ABI3BP: variants seen among roughly 807,000 people sequenced by gnomAD.
ABI3BP encodes the protein target of Nesh-SH3.
ABI3BP carries 216 observed loss-of-function variants against 268.6 expected under a neutral mutation model. The observed-to-expected ratio is 0.80, with a 90% CI of 0.72 to 0.90. ABI3BP has a LOEUF of 0.90. Ranked by LOEUF, ABI3BP falls within the 40% of genes least tolerant of loss-of-function variation. The pLI is 0.00. For missense variants in ABI3BP, 2,090 were observed against 2,182.4 expected (o/e 0.96, Z 0.84); for synonymous variants, 730 against 730.0 (o/e 1.00, Z 0.00).
chr3:100,976,891 G>T (rs1041047310), intron 1 of ABI3BP, among the ~76,000 whole-genome samples: 2 of 152,224 alleles, frequency 1.3e-5, no homozygotes, highest in African/African-American at 4.8e-5. Flanking sequence ...TTGGCCTAAG[G>T]CCAGTCCTGA....
At chr3:100,933,971 G>C (rs2064812035) in intron 1 of ABI3BP, among the ~76,000 whole-genome samples, 1 of 151,742 alleles carries the variant, frequency 6.6e-6, no homozygotes, top group African/African-American at 2.4e-5. Flanking sequence ...GATTTTCTTT[G>C]TTTTAATCCA....
At position 100,846,456 on chromosome 3, in the gene ABI3BP, TAA is replaced by T. The variant is rs766324941; in HGVS notation, c.1649-12_1649-11del. The T allele has an allele frequency of 7.0e-6, 11 of 1,561,390 alleles. No individual in the cohort carries two copies. Among genetic ancestry groups the T allele is most frequent in the Non-Finnish European group, 9.6e-6 (11 of 1,149,654 alleles). ...TGTGTTTTACCGGGAGCTGGAAAAA[TAA>T]AGAAACAAAATAATAAACAAATCAA... On this transcript the variant is annotated splice_polypyrimidine_tract_variant and intron_variant, in intron 19 of 67. Transcript: ENST00000471714.
chr3:100,899,657 C>T (rs964353497), intron 3 of ABI3BP, among the ~76,000 whole-genome samples: 5 of 152,074 alleles, frequency 3.3e-5, no homozygotes, highest in South Asian at 2.1e-4. Context: ...AGTAGGGCAG[C>T]GAAAAACAGG....
chr3:100,926,312 T>G lies in ABI3BP; in HGVS notation c.249A>C (p.Glu83Asp). The G allele has an allele frequency of 6.2e-7, 1 of 1,613,298 alleles. No individual in the cohort carries two copies. The highest frequency in any genetic ancestry group is 2.2e-5 in the East Asian group (1 of 44,860). Residue 83 changes from glutamate to aspartate, a missense_variant, in exon 2 of 68, where the codon GAA (glutamate) becomes GAC (aspartate). Coordinates refer to ENST00000471714, the MANE Select transcript of ABI3BP (RefSeq NM_001375547.2). ...FPLPAEGKFTEAIVDAEPKYL... is the reference protein window; with the variant it reads ...FPLPAEGKFTDAIVDAEPKYL... ...ACCCAAACACCTTACCAACTATAGC[T>G]TCTGTGAATTTCCCTTCAGCGGGAA...
At chr3:100,848,775 T>C in intron 18 of ABI3BP, 26 bp downstream of exon 18, 1 of 1,589,722 alleles carries the variant, frequency 6.3e-7, no homozygotes, top group Non-Finnish European at 8.6e-7. Context: ...GAATTACATA[T>C]CATGTAAATA....
chr3:100,887,910 CAA>C (rs1457840594), intron 4 of ABI3BP, among the ~76,000 whole-genome samples: 2 of 151,862 alleles, frequency 1.3e-5, no homozygotes, highest in Non-Finnish European at 2.9e-5. Context: ...AGACTCTGTT[CAA>C]AAGTTATTAG....
intron 4 of ABI3BP, among the ~76,000 whole-genome samples, chr3:100,896,822 T>C (rs2047936809): frequency 6.6e-6 from 1 of 152,206 alleles, no homozygotes; most frequent in African/African-American, 2.4e-5. Context: ...ATAAAAAGTA[T>C]TTCAGATTCT....
Position 100,821,043 on chromosome 3 carries a change from C to T in ABI3BP, c.2947+11G>A, listed in dbSNP as rs7615467. 221,025 of 1,531,874 alleles carry T rather than the reference C, an allele frequency of 0.14. 17,080 individuals carry two copies. Among genetic ancestry groups the T allele is most frequent in the East Asian group, 0.28 (11,483 of 40,842 alleles). The allele number at this position is 1,531,874 out of a possible 1,614,324, so 94.9% of individuals were successfully genotyped here. A position where few individuals can be genotyped will look rare whatever the true frequency, so the allele number is the denominator to read the frequency against. ...GAAGAACACTTAATGAGGATTGCAACGTGCTATTACCTTGTGTTGTCACCC... is the reference window on the plus strand; with the variant it reads ...GAAGAACACTTAATGAGGATTGCAATGTGCTATTACCTTGTGTTGTCACCC... On this transcript the variant is annotated intron_variant, in intron 39 of 67. Transcript: ENST00000471714.
At chr3:100,864,648 TG>T in intron 11 of ABI3BP, 184 bp downstream of exon 11, 1 of 561,970 alleles carries the variant, frequency 1.8e-6, no homozygotes, top group South Asian at 2.4e-5. Context: ...ATCAGCCATG[TG>T]GTTAACTCTT....
chr3:100,970,112 C>T (rs1361608713), intron 1 of ABI3BP, among the ~76,000 whole-genome samples: 1 of 152,100 alleles, frequency 6.6e-6, no homozygotes, highest in South Asian at 2.1e-4. Context: ...GCCTAGATGG[C>T]CTGTTTGGGT....
In ABI3BP at chr3:100,848,562, C is replaced by G. The variant is rs565850898; in HGVS notation, c.1576+239G>C. ...TATAGCCCACTGCAGCCTCAAACTTCTGGGCTCAAGAAGCACACCATGCCT... is the reference window on the plus strand; with the variant it reads ...TATAGCCCACTGCAGCCTCAAACTTGTGGGCTCAAGAAGCACACCATGCCT... On this transcript the variant is annotated intron_variant, in intron 18 of 67. Coordinates refer to ENST00000471714, the MANE Select transcript of ABI3BP (RefSeq NM_001375547.2). 1.1e-3 allele frequency among the ~76,000 whole-genome samples: 173 copies of G among 151,530 alleles called. 1 individual carries two copies. Among genetic ancestry groups the G allele is most frequent in the African/African-American group, 3.9e-3 (162 of 41,286 alleles).
At chr3:100,798,451 G>A (rs898119642) in intron 51 of ABI3BP, among the ~76,000 whole-genome samples, 4 of 152,026 alleles carry the variant, frequency 2.6e-5, no homozygotes, top group Admixed American at 6.6e-5. Flanking sequence ...TTGAACAAGA[G>A]CACGGTCCCT....
At position 100,828,436 on chromosome 3, in the gene ABI3BP, A is replaced by G; in HGVS notation, c.2559T>C (p.Phe853=). 6.5e-7 allele frequency: 1 copy of G among 1,535,260 alleles called. No individual in the cohort carries two copies. The highest frequency in any genetic ancestry group is 8.7e-7 in the Non-Finnish European group (1 of 1,146,306). Residue 853 remains phenylalanine (F), a synonymous_variant, in exon 34 of 68, where the codon TTT becomes TTC. Coordinates refer to ENST00000471714, the MANE Select transcript of ABI3BP (RefSeq NM_001375547.2). The part of the protein sequence containing the change: ...LQTELVPATI[F]EPVSPIKEAP... Reference sequence around the variant, plus strand: ...CCTCTTTTATAGGAGAAACTGGTTCAAAGATTGTAGCAGGAACTGGCCAAA... The same window carrying G: ...CCTCTTTTATAGGAGAAACTGGTTCGAAGATTGTAGCAGGAACTGGCCAAA...
chr3:100,971,077 A>G (rs1410080380), intron 1 of ABI3BP, among the ~76,000 whole-genome samples: 2 of 152,196 alleles, frequency 1.3e-5, no homozygotes, highest in African/African-American at 4.8e-5. Flanking sequence ...TCTGGATTAA[A>G]CATACAGCCT....
chr3:100,933,195 G>A, intron 1 of ABI3BP, among the ~76,000 whole-genome samples: 1 of 151,828 alleles, frequency 6.6e-6, no homozygotes, highest in East Asian at 1.9e-4. Context: ...TTTTCAATGT[G>A]GCAGACACTA....
chr3:100,814,393 C>T (rs77145495), intron 44 of ABI3BP, among the ~76,000 whole-genome samples: 1 of 151,952 alleles, frequency 6.6e-6, no homozygotes, highest in African/African-American at 2.4e-5. Context: ...ATCCCCTTAG[C>T]CACCATTGAC....
intron 1 of ABI3BP, among the ~76,000 whole-genome samples, chr3:100,992,027 C>T (rs1457321491): frequency 6.6e-6 from 1 of 152,188 alleles, no homozygotes; most frequent in African/African-American, 2.4e-5. Flanking sequence ...GTACAATTAA[C>T]TCTGAATGCT....
At chr3:100,847,797 TAA>T in intron 18 of ABI3BP, 124 bp from the exon 19 acceptor site, 1 of 777,044 alleles carries the variant, frequency 1.3e-6, no homozygotes, top group East Asian at 2.5e-5. Flanking sequence ...ATACAATGAG[TAA>T]AAGTTTTGAG....
intron 4 of ABI3BP, among the ~76,000 whole-genome samples, chr3:100,888,819 T>C (rs1235899439): frequency 6.6e-6 from 1 of 152,038 alleles, no homozygotes; most frequent in South Asian, 2.1e-4. Flanking sequence ...TATAGCACTA[T>C]CATTTTTTTT....
Sources: gnomAD v4.1 joint callset for allele counts (sites outside exome capture counted in the v4.1 genomes callset) on GRCh38, gnomAD v4.1.1 for gene constraint, MANE v1.5 for transcripts, NCBI Gene and HGNC (gene_info 2026-07-23, HGNC 2026-07-21) for gene names.